The following SPAG6 variants were observed in gnomAD, a reference collection of about 807,000 sequenced individuals.
SPAG6 encodes sperm-associated antigen 6.
Under a neutral mutation model 58.5 loss-of-function variants are expected in SPAG6, and 49 were observed. The observed-to-expected ratio is 0.84, with a 90% CI of 0.67 to 1.06. The LOEUF is 1.06. SPAG6 is among the 50% of genes least tolerant of loss of function. The pLI is 0.00. For synonymous variants in SPAG6, 233 were observed against 225.6 expected, an observed-to-expected ratio of 1.03 and a Z score of -0.29; for missense variants, 560 against 611.3, an observed-to-expected ratio of 0.92 and a Z score of 0.89.
rs763482152 is a variant in SPAG6, at chr10:22,381,512, C to CT, written c.473-5226dup. Among the ~76,000 whole-genome samples, 619 of 140,520 alleles carry CT rather than the reference C, an allele frequency of 4.4e-3. 3 individuals are homozygous for CT. Among genetic ancestry groups the CT allele is most frequent in the Non-Finnish European group, 6.6e-3 (424 of 63,848 alleles). 92.2% of individuals were successfully genotyped at this position (140,520 alleles called of 152,430 possible). A position where few individuals can be genotyped will look rare whatever the true frequency, so the allele number is the denominator to read the frequency against. ...CACTACTGCTCTCCCACTCCCCGAC[C>CT]TTTTTTTTTTTTTTTTAAATGTCCT... On this transcript the variant is annotated intron_variant, in intron 4 of 10. Transcript: ENST00000376624.
At chr10:22,365,157 T>G (rs1837162411) in intron 3 of SPAG6, 138 bp downstream of exon 3, 1 of 568,170 alleles carries the variant, frequency 1.8e-6, no homozygotes, top group Non-Finnish European at 3.0e-6. Flanking sequence ...GAGCTGCATG[T>G]AATCATATTT....
At position 22,345,590 on chromosome 10, in the gene SPAG6, G is replaced by A. The variant is rs763728576; in HGVS notation, c.-22G>A. On this transcript the variant is annotated 5_prime_UTR_variant, in exon 1 of 11. Transcript: ENST00000376624. The surrounding 1 kb of genome is among the most constrained non-coding windows in gnomAD (Gnocchi z 6.3). The stretch of plus-strand genomic sequence containing the variant: ...CGGCTTCCCCGCAGAGCTCGAGGAG[G>A]GCAGACGGCGGCGGGGGCGCCATGA... 6.5e-7 allele frequency: 1 copy of A among 1,527,884 alleles called. No homozygotes were observed. The highest frequency in any genetic ancestry group is 8.8e-7 in the Non-Finnish European group (1 of 1,138,906). The allele number at this position is 1,527,884 out of a possible 1,614,324, so 94.6% of individuals were successfully genotyped here. A position where few individuals can be genotyped will look rare whatever the true frequency, so the allele number is the denominator to read the frequency against.
intron 9 of SPAG6, 138 bp downstream of exon 9, chr10:22,401,415 C>A (rs893406223): frequency 4.9e-6 from 3 of 617,652 alleles, no homozygotes; most frequent in Non-Finnish European, 8.6e-6. Context: ...TCTGTATGGA[C>A]AGAGAAGTTA....
intron 2 of SPAG6, among the ~76,000 whole-genome samples, chr10:22,352,887 G>T (rs931880184): frequency 2.0e-5 from 3 of 152,130 alleles, no homozygotes; most frequent in African/African-American, 7.2e-5. Context: ...GGAAAAAAAA[G>T]TTCCTGCTTA....
At chr10:22,381,576 G>T (rs191449661) in intron 4 of SPAG6, among the ~76,000 whole-genome samples, 154 of 150,852 alleles carry the variant, frequency 1.0e-3, no homozygotes, top group African/African-American at 3.7e-3. Context: ...CGGGCCCTGT[G>T]GGCATTTGCA....
At chr10:22,356,831 C>T (rs1836882228) in intron 2 of SPAG6, among the ~76,000 whole-genome samples, 1 of 152,196 alleles carries the variant, frequency 6.6e-6, no homozygotes, top group South Asian at 2.1e-4. Context: ...CTCATCTTGT[C>T]CCTTGTCATC....
chr10:22,349,743 A>G (rs1836665950), intron 2 of SPAG6, among the ~76,000 whole-genome samples: 1 of 152,248 alleles, frequency 6.6e-6, no homozygotes, highest in South Asian at 2.1e-4. Flanking sequence ...GAAGAGTAGG[A>G]ATAAATAAGT....
At chr10:22,392,268 TC>T (rs1423673632) in intron 8 of SPAG6, among the ~76,000 whole-genome samples, 1 of 152,128 alleles carries the variant, frequency 6.6e-6, no homozygotes, top group Non-Finnish European at 1.5e-5. Flanking sequence ...AAAAGTGAAA[TC>T]CAAAAGAATT....
chr10:22,348,121 G>A (rs1836618318), intron 2 of SPAG6, among the ~76,000 whole-genome samples: 1 of 152,144 alleles, frequency 6.6e-6, no homozygotes, highest in South Asian at 2.1e-4. Context: ...CTCCTGAGTA[G>A]CTGAGACTAC....
intron 2 of SPAG6, among the ~76,000 whole-genome samples, chr10:22,346,721 T>C (rs890421901): frequency 6.6e-6 from 1 of 152,004 alleles, no homozygotes; most frequent in African/African-American, 2.4e-5. Flanking sequence ...TTACTCTGGG[T>C]TTCTTTGAGG....
chr10:22,408,624 C>G (rs955484154), intron 9 of SPAG6, among the ~76,000 whole-genome samples: 9 of 152,120 alleles, frequency 5.9e-5, no homozygotes, highest in Admixed American at 3.3e-4. Context: ...GTGGAGCCTA[C>G]AGAGGCAGGC....
chr10:22,396,288 A>C (rs1267586204), intron 8 of SPAG6, among the ~76,000 whole-genome samples: 1 of 152,118 alleles, frequency 6.6e-6, no homozygotes, highest in Admixed American at 6.5e-5. Context: ...TTTCCCCCAT[A>C]CTGTTCTTGT....
intron 2 of SPAG6, among the ~76,000 whole-genome samples, chr10:22,346,484 C>CTTT (rs1554776479): frequency 7.2e-6 from 1 of 139,244 alleles, no homozygotes; most frequent in Non-Finnish European, 1.5e-5. Flanking sequence ...TCTTCTTCTT[C>CTTT]TTCTTCTTCT....
At chr10:22,379,883 C>T (rs1344140671) in intron 4 of SPAG6, among the ~76,000 whole-genome samples, 3 of 152,130 alleles carry the variant, frequency 2.0e-5, no homozygotes, top group Non-Finnish European at 2.9e-5. Context: ...TAGCCTTGAC[C>T]TCCTGGGCTC....
At chr10:22,370,858 T>G (rs576570869) in intron 4 of SPAG6, among the ~76,000 whole-genome samples, 1 of 151,566 alleles carries the variant, frequency 6.6e-6, no homozygotes, top group African/African-American at 2.4e-5. Context: ...ATTTAGTAAG[T>G]TTTTTTTTAA....
At chr10:22,391,576 A>C (rs1464386156) in intron 7 of SPAG6, among the ~76,000 whole-genome samples, 153 bp from the exon 8 acceptor site, 1 of 152,188 alleles carries the variant, frequency 6.6e-6, no homozygotes, top group Non-Finnish European at 1.5e-5. Context: ...TTGACTTAAG[A>C]AATGACAGCC....
intron 10 of SPAG6, among the ~76,000 whole-genome samples, chr10:22,413,824 TATA>T (rs1288345306): frequency 3.3e-5 from 5 of 152,064 alleles, no homozygotes; most frequent in African/African-American, 1.2e-4. Flanking sequence ...AATAGACAAA[TATA>T]ATCTCAAAAT....
intron 4 of SPAG6, among the ~76,000 whole-genome samples, chr10:22,379,060 A>G (rs898361347): frequency 6.6e-6 from 1 of 152,240 alleles, no homozygotes; most frequent in Non-Finnish European, 1.5e-5. Flanking sequence ...GAGGCAAGAA[A>G]GATAGAAATG....
At chr10:22,372,253 T>C (rs1364718139) in intron 4 of SPAG6, among the ~76,000 whole-genome samples, 1 of 152,198 alleles carries the variant, frequency 6.6e-6, no homozygotes, top group Non-Finnish European at 1.5e-5. Flanking sequence ...CTTTAAAAAG[T>C]TTGTATAAAT....
Sources: gnomAD v4.1 joint callset for allele counts (sites outside exome capture counted in the v4.1 genomes callset) on GRCh38, gnomAD v4.1.1 for gene constraint, Gnocchi (gnomAD v3.1) non-coding constraint, MANE v1.5 for transcripts, NCBI Gene and HGNC (gene_info 2026-07-23, HGNC 2026-07-21) for gene names.